SESN1: variants seen among roughly 807,000 people sequenced by gnomAD.
SESN1 encodes sestrin-1.
SESN1 carries 30 observed loss-of-function variants against 59.3 expected under a neutral mutation model. The ratio of observed to expected loss-of-function variants is 0.51; its 90% confidence interval spans 0.38 to 0.69. The LOEUF is 0.69. SESN1 is among the 30% of genes least tolerant of loss of function. The pLI is 0.00. For missense variants in SESN1, 566 were observed against 673.0 expected (o/e 0.84, Z 1.76); for synonymous variants, 197 against 219.9 (o/e 0.90, Z 0.92).
In SESN1 at chr6:109,018,395, T is replaced by A. The variant is rs1028267795; in HGVS notation, c.280-16052A>T. Among the ~76,000 whole-genome samples, 187 of 152,316 alleles carry A rather than the reference T, an allele frequency of 1.2e-3. 1 individual carries two copies. Among genetic ancestry groups the A allele is most frequent in the African/African-American group, 4.0e-3 (168 of 41,560 alleles). On this transcript the variant is annotated intron_variant, in intron 1 of 9. Transcript: ENST00000436639. ...GATTAGGAGGGGTATAGTTTATGTG[T>A]TCTAGTCTTTTAAAAAATTAATGCG...
At chr6:109,066,196 C>T (rs1780821552) in intron 1 of SESN1, among the ~76,000 whole-genome samples, 1 of 152,022 alleles carries the variant, frequency 6.6e-6, no homozygotes, top group Admixed American at 6.6e-5. Context: ...AACAAAAATA[C>T]ACAAATTTGT....
chr6:109,085,515 TCA>T (rs59793015), intron 1 of SESN1, among the ~76,000 whole-genome samples: 46,187 of 148,004 alleles, frequency 0.31, 9,208 homozygotes, highest in African/African-American at 0.58. Flanking sequence ...TGACACTCCG[TCA>T]CACACACACA....
chr6:109,089,070 T>G (rs1781265603), intron 1 of SESN1, among the ~76,000 whole-genome samples: 1 of 152,190 alleles, frequency 6.6e-6, no homozygotes, highest in Non-Finnish European at 1.5e-5. Context: ...TTTTTTTTTT[T>G]TTTAACAGAT....
At chr6:109,071,515 C>T (rs1780934464) in intron 1 of SESN1, among the ~76,000 whole-genome samples, 1 of 151,794 alleles carries the variant, frequency 6.6e-6, no homozygotes, top group African/African-American at 2.4e-5. Flanking sequence ...GGATATGGAC[C>T]CCGGCAGTCT....
intron 5 of SESN1, 25 bp downstream of exon 5, chr6:108,998,488 C>T: frequency 6.2e-7 from 1 of 1,611,510 alleles, no homozygotes; most frequent in Non-Finnish European, 8.5e-7. Context: ...AGTTTTATGA[C>T]AATCTCATGA....
chr6:108,994,402 T>A, intron 6 of SESN1, 60 bp downstream of exon 6: 1 of 1,371,114 alleles, frequency 7.3e-7, no homozygotes, highest in East Asian at 2.3e-5. Context: ...TTATTTAAAT[T>A]CTCTAAATAA....
chr6:109,065,507 T>G (rs934963639), intron 1 of SESN1, among the ~76,000 whole-genome samples: 3 of 152,166 alleles, frequency 2.0e-5, no homozygotes, highest in African/African-American at 4.8e-5. Context: ...TATTTGATCA[T>G]GAAGACATAG....
At chr6:109,070,857 T>G (rs1397410995) in intron 1 of SESN1, among the ~76,000 whole-genome samples, 1 of 152,182 alleles carries the variant, frequency 6.6e-6, no homozygotes, top group Non-Finnish European at 1.5e-5. Context: ...GATTCTGCAT[T>G]TCCAATATCT....
rs1554262203 is a variant in SESN1 at position 108,986,086 on chromosome 6, C to CAA, written c.*1456_*1457dup. On this transcript the variant is annotated 3_prime_UTR_variant, in exon 10 of 10. Transcript: ENST00000436639. ...GGAGTAACTAACAGAGTTATCATCA[C>CAA]AACAGCTTCAGTTAAACTTAGAGCT... Among the ~76,000 whole-genome samples, 3 of 152,190 alleles carry CAA rather than the reference C, an allele frequency of 2.0e-5. No individual in the cohort carries two copies. Among genetic ancestry groups the CAA allele is most frequent in the African/African-American group, 7.2e-5 (3 of 41,454 alleles).
chr6:108,998,031 AAAAG>A, intron 5 of SESN1, among the ~76,000 whole-genome samples: 2 of 152,368 alleles, frequency 1.3e-5, no homozygotes, highest in Admixed American at 1.3e-4. Flanking sequence ...TTAAACATGA[AAAAG>A]AATTCTGAAG....
intron 7 of SESN1, among the ~76,000 whole-genome samples, chr6:108,991,692 A>G (rs1238732757): frequency 2.0e-5 from 3 of 152,202 alleles, no homozygotes; most frequent in Admixed American, 6.5e-5. Context: ...AACAAAACTT[A>G]ATAAGCCCCT....
rs548931540 is a variant in SESN1 at position 109,050,371 on chromosome 6, G to A, written c.279+43424C>T. Among the ~76,000 whole-genome samples, 284 of 145,138 alleles carry A rather than the reference G, an allele frequency of 2.0e-3. 1 individual carries two copies. The highest frequency in any genetic ancestry group is 3.2e-3 in the Non-Finnish European group (212 of 67,094). On this transcript the variant is annotated intron_variant, in intron 1 of 9. Transcript: ENST00000436639. Reference sequence around the variant, plus strand: ...CCAGCCTAGAAAAGACACACAGAATGCTATTGTTTAAATTGTTAAAAAAAA... The same window carrying A: ...CCAGCCTAGAAAAGACACACAGAATACTATTGTTTAAATTGTTAAAAAAAA...
intron 1 of SESN1, among the ~76,000 whole-genome samples, chr6:109,020,197 T>A (rs1340525110): frequency 6.6e-6 from 1 of 152,174 alleles, no homozygotes; most frequent in Non-Finnish European, 1.5e-5. Context: ...TTTCTTTTTT[T>A]TATGTATTGT....
intron 1 of SESN1, among the ~76,000 whole-genome samples, chr6:109,048,998 T>G (rs1471506620): frequency 6.6e-6 from 1 of 152,228 alleles, no homozygotes; most frequent in Non-Finnish European, 1.5e-5. Flanking sequence ...TTTGTCCTTT[T>G]TGCTTAGCAC....
chr6:109,028,792 T>C (rs964293511), intron 1 of SESN1, among the ~76,000 whole-genome samples: 5 of 152,064 alleles, frequency 3.3e-5, no homozygotes, highest in Non-Finnish European at 7.4e-5. Context: ...AGCAGTGCAC[T>C]GGAAAAAGAG....
At position 109,021,554 on chromosome 6, in the gene SESN1, C is replaced by A. The variant is rs548477223; in HGVS notation, c.280-19211G>T. Reference sequence around the variant, plus strand: ...CCGGGTTCAAGCAATTCTCGTGCCTCAGCCTCGCAATTAGCTGGGACTACG... The same window carrying A: ...CCGGGTTCAAGCAATTCTCGTGCCTAAGCCTCGCAATTAGCTGGGACTACG... On this transcript the variant is annotated intron_variant, in intron 1 of 9. Coordinates refer to ENST00000436639, the MANE Select transcript of SESN1 (RefSeq NM_014454.3). Among the ~76,000 whole-genome samples the A allele has an allele frequency of 6.6e-5, 10 of 152,076 alleles. No homozygotes were observed. The East Asian group carries it at 1.4e-3, about 21-fold the overall frequency.
At chr6:109,078,313 T>C (rs551546770) in intron 1 of SESN1, among the ~76,000 whole-genome samples, 25 of 152,026 alleles carry the variant, frequency 1.6e-4, no homozygotes, top group Admixed American at 3.3e-4. Context: ...ACCCAGGAGA[T>C]TGAAGGTGCA....
intron 1 of SESN1, among the ~76,000 whole-genome samples, chr6:109,046,559 A>AG (rs1780442576): frequency 7.2e-6 from 1 of 139,550 alleles, no homozygotes. Context: ...CTGGGATGTG[A>AG]GGAGCCCCTC....
rs551416299 is a variant in SESN1 at position 108,989,567 on chromosome 6, C to A, written c.1425-880G>T. Among the ~76,000 whole-genome samples, 114 of 102,528 alleles carry A rather than the reference C, an allele frequency of 1.1e-3. 1 individual carries two copies. Among genetic ancestry groups the A allele is most frequent in the African/African-American group, 4.8e-3 (106 of 22,216 alleles). 67.3% of individuals were successfully genotyped at this position (102,528 alleles called of 152,430 possible). On this transcript the variant is annotated intron_variant, in intron 8 of 9. Coordinates refer to ENST00000436639, the MANE Select transcript of SESN1 (RefSeq NM_014454.3). Reference sequence around the variant, plus strand: ...TATCTCTAGATCTAGATCTCTAGATCTAGAGATATCTATATATAGAGAGAG... The same window carrying A: ...TATCTCTAGATCTAGATCTCTAGATATAGAGATATCTATATATAGAGAGAG...
Sources: allele counts gnomAD v4.1 joint callset (sites outside exome capture counted in the v4.1 genomes callset), GRCh38; gene constraint gnomAD v4.1.1; transcripts MANE v1.5; gene names NCBI Gene and HGNC (gene_info 2026-07-23, HGNC 2026-07-21).